Variants in SRC observed in about 807,000 individuals in gnomAD.
SRC encodes SRC proto-oncogene, non-receptor tyrosine kinase, also known as proto-oncogene tyrosine-protein kinase Src.
In SRC, 13 loss-of-function variants were observed where a neutral mutation model predicts 62.9. The observed-to-expected ratio is 0.21, with a 90% CI of 0.13 to 0.33. The LOEUF (loss-of-function observed/expected upper bound fraction) is 0.33, where lower values mean the gene tolerates loss of function less well. Among genes scored for constraint, SRC ranks in the 10% least tolerant of loss-of-function variants. The probability of loss-of-function intolerance (pLI) is 1.00; values close to 1 mark genes in which losing one functional copy is unlikely to be tolerated. For synonymous variants in SRC, 302 were observed against 317.5 expected, an observed-to-expected ratio of 0.95 and a Z score of 0.52; for missense variants, 457 against 737.3, an observed-to-expected ratio of 0.62 and a Z score of 4.40.
At chr20:37,345,026 G>A (rs1334883265), upstream of SRC, 1 of 152,406 alleles carries the variant, frequency 6.6e-6, no homozygotes, top group East Asian at 1.9e-4. Context: ...TGTACCCAGA[G>A]GCCTTTGCCT....
intron 5 of SRC, among the ~76,000 whole-genome samples, chr20:37,390,226 G>T (rs1257069627): frequency 1.3e-5 from 2 of 152,142 alleles, no homozygotes; most frequent in African/African-American, 4.8e-5. Context: ...CAGGGTACTT[G>T]CCCAAGATCA....
chr20:37,345,280 CT>C (rs2069701235), upstream of SRC, among the ~76,000 whole-genome samples: 1 of 152,126 alleles, frequency 6.6e-6, no homozygotes, highest in Admixed American at 6.5e-5. Flanking sequence ...GCCCTGGAGC[CT>C]GCGCCAGGGG....
chr20:37,373,119 CAT>C (rs968355386), intron 2 of SRC, among the ~76,000 whole-genome samples: 97 of 149,878 alleles, frequency 6.5e-4, no homozygotes, highest in African/African-American at 2.0e-3. Flanking sequence ...TGTACACACA[CAT>C]ATGTACATAT....
chr20:37,400,485 A>G (rs2070721719), intron 10 of SRC, among the ~76,000 whole-genome samples, 191 bp downstream of exon 10: 1 of 152,152 alleles, frequency 6.6e-6, no homozygotes, highest in Admixed American at 6.5e-5. Flanking sequence ...TTCCAGGCTC[A>G]AGCAGTTCTC....
chr20:37,353,896 G>A (rs1191338698), intron 1 of SRC, among the ~76,000 whole-genome samples: 3 of 152,188 alleles, frequency 2.0e-5, no homozygotes, highest in Admixed American at 2.0e-4. Context: ...TGTGGCTTTG[G>A]TGAGTCAGTT....
chr20:37,402,114 C>T lies in SRC; in HGVS notation c.1117-321C>T. The T allele has an allele frequency of 2.9e-6, 1 of 339,290 alleles. No homozygotes were observed. Among genetic ancestry groups the T allele is most frequent in the Non-Finnish European group, 5.4e-6 (1 of 186,876 alleles). 21.0% of individuals were successfully genotyped at this position (339,290 alleles called of 1,614,324 possible). A position where few individuals can be genotyped will look rare whatever the true frequency, so the allele number is the denominator to read the frequency against. On this transcript the variant is annotated intron_variant, in intron 11 of 13. Coordinates refer to ENST00000373578, the MANE Select transcript of SRC (RefSeq NM_198291.3). This position sits in a 1 kb window ranked among gnomAD's most constrained non-coding sequence, Gnocchi z 6.2. ...TCAGAGAGGGGACTTGGGCAGCAGG[C>T]AGGACCTGGCACTCATCTGTGTCTG...
At position 37,384,559 on chromosome 20, in the gene SRC, G is replaced by A. The variant is rs1443595201; in HGVS notation, c.250+156G>A. Among the ~76,000 whole-genome samples, 1 of 152,022 alleles carries A rather than the reference G, an allele frequency of 6.6e-6. No homozygotes were observed. Among genetic ancestry groups the A allele is most frequent in the African/African-American group, 2.4e-5 (1 of 41,356 alleles). On this transcript the variant is annotated intron_variant, in intron 4 of 13. Coordinates refer to ENST00000373578, the MANE Select transcript of SRC (RefSeq NM_198291.3). The surrounding 1 kb of genome is among the most constrained non-coding windows in gnomAD (Gnocchi z 6.7). ...TTGGGTGTCCGGGGGGTGGGGGGGC[G>A]GCCGTACACACTGTGAAGCGTCCGC... is the stretch of plus-strand genomic sequence containing the variant.
chr20:37,372,972 C>T (rs537943247), intron 2 of SRC, among the ~76,000 whole-genome samples: 259 of 151,958 alleles, frequency 1.7e-3, no homozygotes, highest in Middle Eastern at 3.4e-3. Flanking sequence ...GAATGCTTTC[C>T]CCATTCAGAG....
chr20:37,374,547 T>C (rs1189928084), intron 2 of SRC, among the ~76,000 whole-genome samples: 2 of 150,320 alleles, frequency 1.3e-5, no homozygotes, highest in Non-Finnish European at 3.0e-5. Context: ...GACTTATACC[T>C]ATACCAAATA....
Position 37,403,941 on chromosome 20 carries a change from GCCT to G in SRC, c.*563_*565del, listed in dbSNP as rs1319310566. ...GCTGGGCAGCACAAGGCCTTGCCTG[GCCT>G]GATGATGGTGGGTGGGTGGGATGAG... On this transcript the variant is annotated 3_prime_UTR_variant, in exon 14 of 14. Transcript: ENST00000373578. The surrounding 1 kb of genome is among the most constrained non-coding windows in gnomAD (Gnocchi z 7.1). 5.8e-5 allele frequency: 14 copies of G among 239,486 alleles called. No individual in the cohort carries two copies. The East Asian group carries it at 8.3e-4, about 14-fold the overall frequency. The allele number at this position is 239,486 out of a possible 1,614,324, so 14.8% of individuals were successfully genotyped here. A position where few individuals can be genotyped will look rare whatever the true frequency, so the allele number is the denominator to read the frequency against.
rs962805545 is a variant in SRC at position 37,403,486 on chromosome 20, G to A, written c.*107G>A. ...GCCTGCTGTTGGTCCTCTCTCTGTG[G>A]GGCTGAATTGCCAGGGGCGAGGCCC... On this transcript the variant is annotated 3_prime_UTR_variant, in exon 14 of 14. Transcript: ENST00000373578. This position sits in a 1 kb window ranked among gnomAD's most constrained non-coding sequence, Gnocchi z 7.1. 33 of 1,265,810 alleles carry A rather than the reference G, an allele frequency of 2.6e-5. No homozygotes were observed. The East Asian group carries it at 8.2e-4, about 31-fold the overall frequency. The allele number at this position is 1,265,810 out of a possible 1,614,324, so 78.4% of individuals were successfully genotyped here. A position where few individuals can be genotyped will look rare whatever the true frequency, so the allele number is the denominator to read the frequency against.
rs1464185975 is a variant in SRC, at chr20:37,397,734, G to A, written c.739G>A (p.Val247Met). Residue 247 changes from valine to methionine, a missense_variant, in exon 9 of 14, where the codon GTG (valine) becomes ATG (methionine). This residue lies in a region of SRC where 141 missense variants were observed against 198.4 expected (regional missense o/e 0.71). Coordinates refer to ENST00000373578, the MANE Select transcript of SRC (RefSeq NM_198291.3). The surrounding 1 kb of genome is among the most constrained non-coding windows in gnomAD (Gnocchi z 4.1). ...ADGLCHRLTT[V>M]CPTSKPQTQG... ...TGGCCTGTGCCACCGCCTCACCACC[G>A]TGTGCCCCACGTCCAAGCCGCAGAC... is the stretch of plus-strand genomic sequence containing the variant. 4 of 1,606,084 alleles carry A rather than the reference G, an allele frequency of 2.5e-6. No homozygotes were observed. Among genetic ancestry groups the A allele is most frequent in the African/African-American group, 1.3e-5 (1 of 74,792 alleles).
chr20:37,346,898 G>T (rs1291441212), intron 1 of SRC, among the ~76,000 whole-genome samples: 2 of 151,956 alleles, frequency 1.3e-5, no homozygotes, highest in Admixed American at 1.3e-4. Context: ...AGTTTTGGGG[G>T]TTGGCCACCG....
rs2070406146 is a variant in SRC, at chr20:37,384,042, C to CCT, written c.-4-104_-4-103dup. The CCT allele has an allele frequency of 1.4e-6, 2 of 1,474,270 alleles. No homozygotes were observed. Among genetic ancestry groups the CCT allele is most frequent in the Admixed American group, 2.2e-5 (1 of 45,468 alleles). 91.3% of individuals were successfully genotyped at this position (1,474,270 alleles called of 1,614,324 possible). A position where few individuals can be genotyped will look rare whatever the true frequency, so the allele number is the denominator to read the frequency against. On this transcript the variant is annotated intron_variant, in intron 3 of 13. Transcript: ENST00000373578. This position sits in a 1 kb window ranked among gnomAD's most constrained non-coding sequence, Gnocchi z 6.7. ...TGAGCCACCGCGCCCGGCCCTGCTG[C>CCT]CTCTCCTTGGGCCTCGTTTTCCCTA...
intron 9 of SRC, among the ~76,000 whole-genome samples, chr20:37,399,355 T>G (rs2070704415): frequency 6.6e-6 from 1 of 152,148 alleles, no homozygotes; most frequent in South Asian, 2.1e-4. Flanking sequence ...CCTCTTGTTC[T>G]GGCAACAGCC....
chr20:37,358,173 C>T (rs1193789103), intron 1 of SRC, among the ~76,000 whole-genome samples: 2 of 152,154 alleles, frequency 1.3e-5, no homozygotes, highest in Admixed American at 1.3e-4. Flanking sequence ...CAGGAGGAGC[C>T]GATGAGACTG....
rs556347257 is a variant in SRC, at chr20:37,404,980, A to G, written c.*1601A>G. 6.9e-4 allele frequency: 131 copies of G among 190,402 alleles called. No individual in the cohort carries two copies. Among genetic ancestry groups the G allele is most frequent in the Middle Eastern group, 3.7e-3 (2 of 540 alleles). 11.8% of individuals were successfully genotyped at this position (190,402 alleles called of 1,614,324 possible). ...GTCCCCCAAACATGTTGTACATTTC[A>G]CCATGGCCCCCTCATCATAGCAATA... is the stretch of plus-strand genomic sequence containing the variant. On this transcript the variant is annotated 3_prime_UTR_variant, in exon 14 of 14. Transcript: ENST00000373578.
In SRC at chr20:37,384,254, C is replaced by T. The variant is rs1447509893; in HGVS notation, c.101C>T (p.Ala34Val). 6.4e-7 allele frequency: 1 copy of T among 1,562,248 alleles called. No individual in the cohort carries two copies. Among genetic ancestry groups the T allele is most frequent in the African/African-American group, 1.4e-5 (1 of 70,784 alleles). ...VHGAGGGAFP[A>V]SQTPSKPASA... ...GGCGCTGGCGGGGGCGCTTTCCCCG[C>T]CTCGCAGACCCCCAGCAAGCCAGCC... is the stretch of plus-strand genomic sequence containing the variant. The change falls in exon 4 of 14, where the codon GCC becomes GTC. Residue 34 changes from alanine to valine, a missense_variant. Around this residue, in one of 4 missense-constraint regions of SRC, gnomAD observed 132 missense variants for 135.4 expected, o/e 0.98. Coordinates refer to ENST00000373578, the MANE Select transcript of SRC (RefSeq NM_198291.3). The surrounding 1 kb of genome is among the most constrained non-coding windows in gnomAD (Gnocchi z 6.7).
chr20:37,393,183 G>C (rs1051880752), intron 5 of SRC, among the ~76,000 whole-genome samples: 1 of 152,136 alleles, frequency 6.6e-6, no homozygotes, highest in Non-Finnish European at 1.5e-5. Flanking sequence ...AGGGCTCACT[G>C]TGTGACTTTG....
Sources: gnomAD v4.1 joint callset for allele counts (sites outside exome capture counted in the v4.1 genomes callset) on GRCh38, gnomAD v4.1.1 for gene constraint, gnomAD v4.1.1 regional missense constraint, Gnocchi (gnomAD v3.1) non-coding constraint, MANE v1.5 for transcripts, NCBI Gene and HGNC (gene_info 2026-07-23, HGNC 2026-07-21) for gene names.